Variants in KLF12 observed in about 807,000 individuals in gnomAD.
KLF12 encodes the protein Krueppel-like factor 12.
A neutral mutation model predicts 37.8 loss-of-function variants in KLF12; 9 were observed. That is an observed-to-expected ratio of 0.24 (90% CI 0.14 to 0.42). The LOEUF (loss-of-function observed/expected upper bound fraction) is 0.42. Among genes scored for constraint, KLF12 ranks in the 10% least tolerant of loss-of-function variants. The pLI, the probability that KLF12 is intolerant of heterozygous loss-of-function variation, is 1.00. For missense variants in KLF12, 411 were observed against 516.0 expected (o/e 0.80, Z 1.97); for synonymous variants, 208 against 202.1 (o/e 1.03, Z -0.25).
intron 6 of KLF12, among the ~76,000 whole-genome samples, chr13:73,738,092 CATATATATAT>C (rs778759106): frequency 1.1e-4 from 13 of 116,738 alleles, no homozygotes; most frequent in Admixed American, 3.8e-4. Context: ...TGTATGTGTA[CATATATATAT>C]ATATATATAT....
At chr13:74,194,336 C>A in the KLF12 span, among the ~76,000 whole-genome samples, 1 of 152,144 alleles carries the variant, frequency 6.6e-6, no homozygotes, top group African/African-American at 2.4e-5. Flanking sequence ...AGTCTGTTTG[C>A]GCTGCTGTAA....
rs537698083 is a variant in KLF12 at position 73,771,970 on chromosome 13, T to C, written c.807-6970A>G. On this transcript the variant is annotated intron_variant, in intron 5 of 7. Coordinates refer to ENST00000377669, the MANE Select transcript of KLF12 (RefSeq NM_007249.5). ...AAGTGAATACAAGGTATGAAGTGAA[T>C]AATATGGCATGGCCAGAGGGGAGAG... Among the ~76,000 whole-genome samples, 7 of 152,284 alleles carry C rather than the reference T, an allele frequency of 4.6e-5. No homozygotes were observed. The East Asian group carries it at 1.2e-3, about 25-fold the overall frequency.
intron 1 of KLF12, among the ~76,000 whole-genome samples, chr13:74,008,350 A>C (rs1372426712): frequency 1.3e-5 from 2 of 152,150 alleles, no homozygotes; most frequent in Non-Finnish European, 1.5e-5. Flanking sequence ...TCTTGTTTGG[A>C]GGAGGCCAAG....
chr13:74,025,890 T>C (rs1425660397), intron 1 of KLF12, among the ~76,000 whole-genome samples: 1 of 152,198 alleles, frequency 6.6e-6, no homozygotes, highest in Non-Finnish European at 1.5e-5. Flanking sequence ...AACTGTCAGA[T>C]AACCACCTCT....
intron 3 of KLF12, among the ~76,000 whole-genome samples, chr13:73,858,477 T>C (rs562475303): frequency 2.8e-4 from 42 of 152,332 alleles, no homozygotes; most frequent in Non-Finnish European, 5.9e-5. Flanking sequence ...CCCAAACTGC[T>C]GCATTACCGG....
intron 1 of KLF12, among the ~76,000 whole-genome samples, chr13:73,996,490 G>A (rs966923171): frequency 5.3e-5 from 8 of 152,132 alleles, no homozygotes; most frequent in African/African-American, 1.9e-4. Context: ...ATTTTTCACA[G>A]GGTAGTTCTA....
At chr13:74,041,356 C>G (rs1415036762) in intron 1 of KLF12, among the ~76,000 whole-genome samples, 3 of 152,140 alleles carry the variant, frequency 2.0e-5, no homozygotes, top group Non-Finnish European at 2.9e-5. Flanking sequence ...CTGGCTTTGT[C>G]CCACACAGTT....
chr13:74,195,885 T>A, the KLF12 span, among the ~76,000 whole-genome samples: 1 of 152,132 alleles, frequency 6.6e-6, no homozygotes, highest in Admixed American at 6.6e-5. Context: ...CACCTGGCAG[T>A]TGAATTTTTT....
At chr13:74,076,849 A>G (rs1874592343) in intron 1 of KLF12, among the ~76,000 whole-genome samples, 2 of 151,772 alleles carry the variant, frequency 1.3e-5, no homozygotes, top group Non-Finnish European at 2.9e-5. Flanking sequence ...CTTTGTGTTC[A>G]TGTGTTTTCA....
chr13:74,032,504 T>C (rs781343000), intron 1 of KLF12, among the ~76,000 whole-genome samples: 10 of 152,178 alleles, frequency 6.6e-5, no homozygotes, highest in Non-Finnish European at 1.3e-4. Flanking sequence ...TCAGGCTATT[T>C]TGCCTACAGA....
chr13:74,117,165 G>C (rs904058611), intron 1 of KLF12, among the ~76,000 whole-genome samples: 1 of 152,074 alleles, frequency 6.6e-6, no homozygotes, highest in Non-Finnish European at 1.5e-5. Context: ...GTAGCAAAAA[G>C]AACACTCAGC....
intron 1 of KLF12, among the ~76,000 whole-genome samples, chr13:74,115,914 C>T (rs945336744): frequency 6.6e-5 from 10 of 152,110 alleles, no homozygotes; most frequent in Non-Finnish European, 1.3e-4. Context: ...ACATCTTTAA[C>T]ATAATTACAC....
intron 1 of KLF12, among the ~76,000 whole-genome samples, chr13:74,076,954 T>C (rs1014048421): frequency 1.3e-5 from 2 of 152,236 alleles, no homozygotes; most frequent in Non-Finnish European, 2.9e-5. Context: ...GCTTCATCCA[T>C]GTTCCCACAA....
the KLF12 span, among the ~76,000 whole-genome samples, chr13:74,302,964 T>G: frequency 6.6e-6 from 1 of 152,144 alleles, no homozygotes; most frequent in African/African-American, 2.4e-5. Flanking sequence ...TAACTCATTT[T>G]TTTAAACTCA....
intron 3 of KLF12, among the ~76,000 whole-genome samples, chr13:73,916,237 A>ACG (rs1416502041): frequency 1.4e-5 from 1 of 70,750 alleles, no homozygotes; most frequent in Admixed American, 2.0e-4. Flanking sequence ...ACACACACAC[A>ACG]CACGCACACG....
At chr13:74,209,089 G>A in the KLF12 span, among the ~76,000 whole-genome samples, 2 of 151,322 alleles carry the variant, frequency 1.3e-5, no homozygotes, top group Admixed American at 1.3e-4. Context: ...AAAAAGTCTC[G>A]ACACTTGAAG....
chr13:73,992,763 T>C (rs1202523714), intron 2 of KLF12, among the ~76,000 whole-genome samples: 1 of 152,244 alleles, frequency 6.6e-6, no homozygotes, highest in Non-Finnish European at 1.5e-5. Context: ...ACTTTGTCAA[T>C]GTATTTGAAA....
At chr13:73,699,261 T>C (rs937019662) in intron 7 of KLF12, among the ~76,000 whole-genome samples, 1 of 140,340 alleles carries the variant, frequency 7.1e-6, no homozygotes, top group African/African-American at 2.7e-5. Context: ...GGCTCACATC[T>C]GCAGCCCCAG....
chr13:74,112,558 T>C (rs1421620685), intron 1 of KLF12, among the ~76,000 whole-genome samples: 1 of 152,180 alleles, frequency 6.6e-6, no homozygotes, highest in Non-Finnish European at 1.5e-5. Context: ...TATTATTGCA[T>C]CTGTATTGGT....
Sources: allele counts gnomAD v4.1 joint callset (sites outside exome capture counted in the v4.1 genomes callset), GRCh38; gene constraint gnomAD v4.1.1; transcripts MANE v1.5; gene names NCBI Gene and HGNC (gene_info 2026-07-23, HGNC 2026-07-21).